SDK1: variants seen among roughly 807,000 people sequenced by gnomAD.
SDK1 encodes sidekick cell adhesion molecule 1.
A neutral mutation model predicts 245.5 loss-of-function variants in SDK1; 157 were observed. The ratio of observed to expected loss-of-function variants is 0.64; its 90% CI spans 0.56 to 0.73. The LOEUF is 0.73. SDK1 is among the 30% of genes least tolerant of loss of function. The pLI is 0.00. For synonymous variants in SDK1, 1,647 were observed against 1,278.5 expected, an observed-to-expected ratio of 1.29 and a Z score of -6.15; for missense variants, 3,583 against 3,002.3, an observed-to-expected ratio of 1.19 and a Z score of -4.52.
At chr7:3,317,208 A>AAAAAAAAAT (rs1779685971) in intron 1 of SDK1, among the ~76,000 whole-genome samples, 1 of 138,922 alleles carries the variant, frequency 7.2e-6, no homozygotes. Flanking sequence ...AAAAAAAAAA[A>AAAAAAAAAT]GGCTATCATG....
intron 1 of SDK1, among the ~76,000 whole-genome samples, chr7:3,431,379 T>TTC (rs1435955056): frequency 2.4e-4 from 37 of 151,342 alleles, no homozygotes; most frequent in African/African-American, 7.8e-4. Flanking sequence ...TTTTTTTTTT[T>TTC]TTAAAGCAAA....
chr7:3,652,660 C>T (rs770893368), intron 4 of SDK1, among the ~76,000 whole-genome samples: 1 of 152,136 alleles, frequency 6.6e-6, no homozygotes, highest in Non-Finnish European at 1.5e-5. Flanking sequence ...ACTAGGGAAA[C>T]ATGCCAGACT....
chr7:3,888,830 C>T (rs913537450), intron 5 of SDK1, among the ~76,000 whole-genome samples: 1 of 152,108 alleles, frequency 6.6e-6, no homozygotes, highest in African/African-American at 2.4e-5. Context: ...CATCTTTTGA[C>T]TCATTCTCGT....
rs2128246380 is a variant in SDK1, at chr7:4,266,724, T to C, written c.*1340T>C. On this transcript the variant is annotated 3_prime_UTR_variant, in exon 45 of 45. Coordinates refer to ENST00000404826, the MANE Select transcript of SDK1 (RefSeq NM_152744.4). ...GCAACAGACGACTGGGCTGCCATGG[T>C]CCACCCCTCAGCCCGGGTCCCGGGT... 1 of 985,450 alleles carries C rather than the reference T, an allele frequency of 1.0e-6. No individual in the cohort carries two copies. The highest frequency in any genetic ancestry group is 1.2e-6 in the Non-Finnish European group (1 of 829,946). The allele number at this position is 985,450 out of a possible 1,614,324, so 61.0% of individuals were successfully genotyped here. A position where few individuals can be genotyped will look rare whatever the true frequency, so the allele number is the denominator to read the frequency against.
intron 4 of SDK1, among the ~76,000 whole-genome samples, chr7:3,785,358 G>A (rs1252899077): frequency 6.6e-6 from 1 of 152,086 alleles, no homozygotes; most frequent in Admixed American, 6.5e-5. Context: ...CTCACCATAA[G>A]AATCATTAAA....
At chr7:3,359,315 G>C (rs1303691855) in intron 1 of SDK1, among the ~76,000 whole-genome samples, 6 of 152,106 alleles carry the variant, frequency 3.9e-5, no homozygotes, top group Admixed American at 2.0e-4. Context: ...GTCCTGGAAT[G>C]GTAGATGTCC....
intron 30 of SDK1, among the ~76,000 whole-genome samples, chr7:4,157,432 A>AGGGG (rs1562899615): frequency 1.4e-4 from 2 of 14,042 alleles, no homozygotes; most frequent in South Asian, 1.7e-3. Context: ...GAAGGAAGGC[A>AGGGG]AGAGAAAAGG....
chr7:3,769,371 G>C (rs940136288), intron 4 of SDK1, among the ~76,000 whole-genome samples: 9 of 151,988 alleles, frequency 5.9e-5, no homozygotes, highest in African/African-American at 2.2e-4. Flanking sequence ...ATAGTGAGGG[G>C]GACTGAGCCT....
chr7:4,199,543 A>G (rs1468220957), intron 35 of SDK1, among the ~76,000 whole-genome samples: 1 of 152,236 alleles, frequency 6.6e-6, no homozygotes, highest in East Asian at 1.9e-4. Flanking sequence ...TATGTTTGTT[A>G]TCGTGAGTCT....
At chr7:3,323,454 G>A (rs531327183) in intron 1 of SDK1, among the ~76,000 whole-genome samples, 11 of 152,336 alleles carry the variant, frequency 7.2e-5, no homozygotes, top group Non-Finnish European at 1.5e-4. Context: ...GATGTGTAGA[G>A]GTTCTAAGGA....
At chr7:3,467,029 C>CAG (rs59335723) in intron 1 of SDK1, among the ~76,000 whole-genome samples, 2,487 of 137,514 alleles carry the variant, frequency 0.018, 31 homozygotes, top group South Asian at 0.052. Flanking sequence ...CACACACACA[C>CAG]AGAGATGTAA....
intron 12 of SDK1, among the ~76,000 whole-genome samples, chr7:3,972,921 C>T (rs1782604116): frequency 1.3e-5 from 2 of 152,182 alleles, no homozygotes; most frequent in Non-Finnish European, 2.9e-5. Context: ...CTAGGACCCC[C>T]CTGGGGGCCA....
At chr7:4,233,133 C>A in intron 40 of SDK1, 122 bp from the exon 41 acceptor site, 1 of 854,368 alleles carries the variant, frequency 1.2e-6, no homozygotes. Context: ...CACTCCGCAT[C>A]CAGTGCCCCT....
intron 5 of SDK1, among the ~76,000 whole-genome samples, chr7:3,921,172 G>A (rs1032823668): frequency 6.6e-6 from 1 of 152,180 alleles, no homozygotes; most frequent in African/African-American, 2.4e-5. Context: ...ATGTGGCTAT[G>A]AACATTTTCA....
At position 4,198,477 on chromosome 7, in the gene SDK1, G is replaced by A. The variant is rs116521017; in HGVS notation, c.5099-7402G>A. ...CTCCTGCACTTCCTTCCTCTGCCTCGGAGCAGGATCTGCAAACAGCTCAGC... is the reference window on the plus strand; with the variant it reads ...CTCCTGCACTTCCTTCCTCTGCCTCAGAGCAGGATCTGCAAACAGCTCAGC... On this transcript the variant is annotated intron_variant, in intron 35 of 44. Coordinates refer to ENST00000404826, the MANE Select transcript of SDK1 (RefSeq NM_152744.4). 1.1e-3 allele frequency among the ~76,000 whole-genome samples: 165 copies of A among 152,284 alleles called. 1 individual carries two copies. The highest frequency in any genetic ancestry group is 3.7e-3 in the African/African-American group (154 of 41,548).
At chr7:3,720,713 A>T (rs1423728773) in intron 4 of SDK1, among the ~76,000 whole-genome samples, 1 of 152,212 alleles carries the variant, frequency 6.6e-6, no homozygotes, top group Non-Finnish European at 1.5e-5. Flanking sequence ...ATGGGTGCTT[A>T]CTTTATGATC....
chr7:4,069,597 A>G (rs1398395119), intron 20 of SDK1, among the ~76,000 whole-genome samples: 1 of 152,216 alleles, frequency 6.6e-6, no homozygotes, highest in East Asian at 1.9e-4. Flanking sequence ...TGTTCTGTGA[A>G]GCAAGCTTAT....
chr7:3,893,783 A>T (rs1781522667), intron 5 of SDK1, among the ~76,000 whole-genome samples: 1 of 151,192 alleles, frequency 6.6e-6, no homozygotes, highest in African/African-American at 2.4e-5. Flanking sequence ...TGCCTTCTCC[A>T]GGTGATGGTG....
At chr7:3,882,894 C>A (rs1781241664) in intron 5 of SDK1, among the ~76,000 whole-genome samples, 1 of 152,214 alleles carries the variant, frequency 6.6e-6, no homozygotes, top group Admixed American at 6.5e-5. Flanking sequence ...TTTAGTCATG[C>A]ATACCTAAGA....
Sources: allele counts gnomAD v4.1 joint callset (sites outside exome capture counted in the v4.1 genomes callset), GRCh38; gene constraint gnomAD v4.1.1; transcripts MANE v1.5; gene names NCBI Gene and HGNC (gene_info 2026-07-23, HGNC 2026-07-21).